CTNNA3: variants seen among roughly 807,000 people sequenced by gnomAD.
CTNNA3 encodes catenin alpha 3.
In CTNNA3, 76 loss-of-function variants were observed where a neutral mutation model predicts 95.7. That is an observed-to-expected ratio of 0.79 (90% CI 0.66 to 0.96). The LOEUF is 0.96. Ranked by LOEUF, CTNNA3 falls within the 40% of genes least tolerant of loss-of-function variation. The pLI is 0.00. For synonymous variants in CTNNA3, 431 were observed against 374.4 expected (o/e 1.15, Z -1.74); for missense variants, 1,191 against 1,089.8 (o/e 1.09, Z -1.31).
chr10:66,320,735 T>C (rs533040554), intron 12 of CTNNA3, among the ~76,000 whole-genome samples: 2 of 152,244 alleles, frequency 1.3e-5, no homozygotes, highest in Admixed American at 1.3e-4. Flanking sequence ...ACTTTTGACC[T>C]AGTAATTTAA....
At position 67,316,673 on chromosome 10, in the gene CTNNA3, T is replaced by A. The variant is rs549889946; in HGVS notation, c.580-96803A>T. Among the ~76,000 whole-genome samples, 35 of 152,276 alleles carry A rather than the reference T, an allele frequency of 2.3e-4. No individual in the cohort carries two copies. The South Asian group carries it at 6.8e-3, about 30-fold the overall frequency. Reference sequence around the variant, plus strand: ...GTTGAGATAATATAGCATAAAGTATTTAACAGCAACCACCCTAAAGATGAC... The same window carrying A: ...GTTGAGATAATATAGCATAAAGTATATAACAGCAACCACCCTAAAGATGAC... On this transcript the variant is annotated intron_variant, in intron 5 of 17. Transcript: ENST00000433211.
At chr10:66,084,149 A>AG (rs1160647280) in intron 14 of CTNNA3, among the ~76,000 whole-genome samples, 41 of 125,818 alleles carry the variant, frequency 3.3e-4, no homozygotes, top group Non-Finnish European at 6.9e-4. Flanking sequence ...AAAAAAAAAG[A>AG]AAAAAAAAGA....
At chr10:67,568,226 CAGACTGT>C (rs1219905099) in intron 3 of CTNNA3, among the ~76,000 whole-genome samples, 2 of 137,894 alleles carry the variant, frequency 1.5e-5, no homozygotes, top group Non-Finnish European at 3.0e-5. Context: ...CTCCAGGCTA[CAGACTGT>C]TTTTTTTTTT....
intron 7 of CTNNA3, chr10:66,926,470 T>C (rs889630801): frequency 7.3e-6 from 9 of 1,240,176 alleles, no homozygotes; most frequent in Non-Finnish European, 9.3e-6. Context: ...CAATTTTTCT[T>C]CCTGGGTGTC....
At chr10:67,299,318 T>C (rs1226003661) in intron 5 of CTNNA3, among the ~76,000 whole-genome samples, 2 of 152,006 alleles carry the variant, frequency 1.3e-5, no homozygotes, top group Non-Finnish European at 2.9e-5. Context: ...ACGTGTTGAT[T>C]CCACCAGTTA....
At chr10:67,701,491 AT>A (rs1841039198) in intron 1 of CTNNA3, among the ~76,000 whole-genome samples, 1 of 152,230 alleles carries the variant, frequency 6.6e-6, no homozygotes, top group African/African-American at 2.4e-5. Context: ...AAAGAAAAGA[AT>A]TTTCAACCCA....
At chr10:66,279,821 C>A (rs560846418) in intron 13 of CTNNA3, among the ~76,000 whole-genome samples, 9 of 152,170 alleles carry the variant, frequency 5.9e-5, no homozygotes, top group African/African-American at 2.2e-4. Flanking sequence ...AAAGAATGTG[C>A]ATTTTTTGGT....
At chr10:66,197,314 C>A (rs919719932) in intron 13 of CTNNA3, among the ~76,000 whole-genome samples, 2 of 151,742 alleles carry the variant, frequency 1.3e-5, no homozygotes, top group Admixed American at 6.6e-5. Flanking sequence ...AAAACAAATG[C>A]GTTTAAGAAC....
intron 3 of CTNNA3, among the ~76,000 whole-genome samples, chr10:67,560,551 C>T (rs934220608): frequency 6.6e-6 from 1 of 152,146 alleles, no homozygotes; most frequent in Admixed American, 6.5e-5. Context: ...TTCTAAACAC[C>T]ATCGAGGCTA....
chr10:66,420,854 G>C (rs988307932), intron 11 of CTNNA3, among the ~76,000 whole-genome samples: 15 of 128,324 alleles, frequency 1.2e-4, no homozygotes, highest in Admixed American at 1.1e-3. Flanking sequence ...ACAATATGGA[G>C]ATTTCTCAAA....
chr10:67,178,012 A>AT (rs1016469566), intron 7 of CTNNA3, among the ~76,000 whole-genome samples: 1 of 152,090 alleles, frequency 6.6e-6, no homozygotes, highest in Non-Finnish European at 1.5e-5. Context: ...ACAGTCTTGA[A>AT]TTTTTTAACA....
At chr10:66,021,920 C>T (rs992877760) in intron 15 of CTNNA3, among the ~76,000 whole-genome samples, 2 of 137,380 alleles carry the variant, frequency 1.5e-5, no homozygotes, top group Non-Finnish European at 1.5e-5. Context: ...ATTGTACGAC[C>T]GCAGCTCATT....
intron 5 of CTNNA3, among the ~76,000 whole-genome samples, chr10:67,301,219 C>T (rs1327915837): frequency 1.3e-5 from 2 of 152,126 alleles, no homozygotes; most frequent in African/African-American, 4.8e-5. Flanking sequence ...TAAATTACTC[C>T]TTTTTTCTAT....
upstream of CTNNA3, among the ~76,000 whole-genome samples, chr10:67,700,524 G>A (rs970335070): frequency 2.3e-4 from 35 of 152,344 alleles, no homozygotes; most frequent in Non-Finnish European, 4.6e-4. Context: ...AGGGTCTGGA[G>A]TGGACCTCTA....
intron 7 of CTNNA3, among the ~76,000 whole-genome samples, chr10:67,174,689 A>C (rs1251296268): frequency 6.6e-6 from 1 of 152,168 alleles, no homozygotes; most frequent in Non-Finnish European, 1.5e-5. Context: ...GATCCCCACT[A>C]TTTATTATTT....
At chr10:66,824,633 T>A (rs1341466785) in intron 7 of CTNNA3, among the ~76,000 whole-genome samples, 2 of 152,218 alleles carry the variant, frequency 1.3e-5, no homozygotes, top group African/African-American at 4.8e-5. Context: ...TTTTAAATTG[T>A]GGATGGAACT....
chr10:66,763,337 C>CAGAGAGAGAGAGAGAG (rs1204351413), intron 9 of CTNNA3, among the ~76,000 whole-genome samples: 2 of 126,524 alleles, frequency 1.6e-5, no homozygotes, highest in African/African-American at 5.6e-5. Flanking sequence ...CACACACACA[C>CAGAGAGAGAGAGAGAG]ACACAGAGAG....
intron 7 of CTNNA3, among the ~76,000 whole-genome samples, chr10:67,174,156 A>G (rs1862139414): frequency 6.6e-6 from 1 of 152,118 alleles, no homozygotes; most frequent in African/African-American, 2.4e-5. Flanking sequence ...GCTCTATCTG[A>G]TTAGTTTCCC....
intron 7 of CTNNA3, among the ~76,000 whole-genome samples, chr10:67,004,931 T>G (rs891857572): frequency 2.6e-5 from 4 of 152,138 alleles, no homozygotes; most frequent in African/African-American, 9.7e-5. Flanking sequence ...GATTTTGTTG[T>G]TAGGCTGTAT....
Sources: allele counts gnomAD v4.1 joint callset (sites outside exome capture counted in the v4.1 genomes callset), GRCh38; gene constraint gnomAD v4.1.1; transcripts MANE v1.5; gene names NCBI Gene and HGNC (gene_info 2026-07-23, HGNC 2026-07-21).